Variants in ZBTB20 observed in about 807,000 individuals in gnomAD.
The protein encoded by ZBTB20 is zinc finger and BTB domain containing 20.
A neutral mutation model predicts 56.9 loss-of-function variants in ZBTB20; 9 were observed. The ratio of observed to expected loss-of-function variants is 0.16; its 90% CI spans 0.10 to 0.28. The LOEUF (loss-of-function observed/expected upper bound fraction) is 0.28. Ranked by LOEUF, ZBTB20 falls within the 10% of genes least tolerant of loss-of-function variation. ZBTB20 has a pLI of 1.00. For synonymous variants in ZBTB20, 417 were observed against 420.7 expected, an observed-to-expected ratio of 0.99 and a Z score of 0.11; for missense variants, 655 against 1,003.0, an observed-to-expected ratio of 0.65 and a Z score of 4.69.
At chr3:115,039,714 A>C (rs1576626708) in intron 2 of ZBTB20, among the ~76,000 whole-genome samples, 1 of 152,194 alleles carries the variant, frequency 6.6e-6, no homozygotes, top group East Asian at 1.9e-4. Context: ...TCATTTTCCC[A>C]ATTTAAGAAG....
At chr3:114,875,511 T>TA (rs1456967503) in intron 4 of ZBTB20, among the ~76,000 whole-genome samples, 40 of 152,252 alleles carry the variant, frequency 2.6e-4, no homozygotes, top group African/African-American at 9.1e-4. Context: ...TTACCCATGT[T>TA]AAAATGGAGA....
intron 2 of ZBTB20, among the ~76,000 whole-genome samples, chr3:115,055,351 G>T (rs763949098): frequency 4.0e-5 from 6 of 151,872 alleles, no homozygotes; most frequent in Non-Finnish European, 7.4e-5. Context: ...AATCCATTTT[G>T]GAAACAGATT....
At chr3:114,642,080 A>C (rs2059591103) in intron 6 of ZBTB20, among the ~76,000 whole-genome samples, 3 of 152,030 alleles carry the variant, frequency 2.0e-5, no homozygotes, top group Admixed American at 1.3e-4. Flanking sequence ...GGTTCTATCA[A>C]CTAATTCTTT....
At chr3:114,874,883 T>C (rs1303682373) in intron 4 of ZBTB20, among the ~76,000 whole-genome samples, 2 of 152,216 alleles carry the variant, frequency 1.3e-5, no homozygotes, top group Non-Finnish European at 2.9e-5. Flanking sequence ...ACAGTCTTTT[T>C]GGCTTCAAAT....
intron 7 of ZBTB20, among the ~76,000 whole-genome samples, chr3:114,470,615 A>T (rs973117559): frequency 7.9e-5 from 12 of 152,180 alleles, no homozygotes; most frequent in African/African-American, 2.7e-4. Flanking sequence ...GTTACTGATA[A>T]GGAAATTGAA....
intron 5 of ZBTB20, among the ~76,000 whole-genome samples, chr3:114,716,441 C>A (rs1484852656): frequency 6.6e-6 from 1 of 152,000 alleles, no homozygotes; most frequent in African/African-American, 2.4e-5. Context: ...CACACTGCAC[C>A]CAGATTGAAA....
intron 8 of ZBTB20, among the ~76,000 whole-genome samples, chr3:114,382,142 C>T (rs1379750820): frequency 1.3e-5 from 2 of 152,232 alleles, no homozygotes; most frequent in Non-Finnish European, 2.9e-5. Flanking sequence ...TATACACCTT[C>T]CTCTGCCTTA....
intron 6 of ZBTB20, among the ~76,000 whole-genome samples, chr3:114,623,523 A>G (rs2058461905): frequency 6.6e-6 from 1 of 152,172 alleles, no homozygotes; most frequent in African/African-American, 2.4e-5. Context: ...AGGGTGTGAC[A>G]AATCATATTT....
At chr3:114,365,653 G>A (rs578150471) in intron 10 of ZBTB20, among the ~76,000 whole-genome samples, 6 of 152,336 alleles carry the variant, frequency 3.9e-5, no homozygotes, top group East Asian at 1.9e-4. Flanking sequence ...TTACAGTAAC[G>A]GGAGGTGGGA....
intron 4 of ZBTB20, among the ~76,000 whole-genome samples, chr3:114,855,977 G>A (rs1439504885): frequency 1.3e-5 from 2 of 152,160 alleles, no homozygotes; most frequent in African/African-American, 2.4e-5. Context: ...ATTATTTTAG[G>A]GAGGCGTTAG....
At chr3:115,111,573 G>T (rs959583497) in intron 1 of ZBTB20, among the ~76,000 whole-genome samples, 1 of 151,980 alleles carries the variant, frequency 6.6e-6, no homozygotes, top group Non-Finnish European at 1.5e-5. Flanking sequence ...TTGCACTTTA[G>T]CAGTTTAATC....
chr3:114,461,270 G>C (rs976480716), intron 7 of ZBTB20, among the ~76,000 whole-genome samples: 1 of 151,204 alleles, frequency 6.6e-6, no homozygotes, highest in African/African-American at 2.4e-5. Context: ...AGGCAGCTTA[G>C]GCAAAAAACA....
intron 2 of ZBTB20, among the ~76,000 whole-genome samples, chr3:115,021,685 C>A (rs1277278986): frequency 6.6e-6 from 1 of 150,522 alleles, no homozygotes; most frequent in Non-Finnish European, 1.5e-5. Context: ...TCTTCTGCTA[C>A]CAAGAAATTC....
At chr3:114,463,643 A>C (rs1479898959) in intron 7 of ZBTB20, among the ~76,000 whole-genome samples, 1 of 152,228 alleles carries the variant, frequency 6.6e-6, no homozygotes, top group African/African-American at 2.4e-5. Context: ...ATTGCTTAAT[A>C]TAAAAAATCT....
intron 5 of ZBTB20, among the ~76,000 whole-genome samples, chr3:114,711,457 C>T (rs901596091): frequency 7.9e-5 from 12 of 152,242 alleles, no homozygotes; most frequent in African/African-American, 2.9e-4. Context: ...CTGGATTGTC[C>T]CAGAGGCCTC....
intron 1 of ZBTB20, among the ~76,000 whole-genome samples, chr3:115,088,217 A>T (rs2083058576): frequency 6.6e-6 from 1 of 151,898 alleles, no homozygotes; most frequent in Non-Finnish European, 1.5e-5. Flanking sequence ...TTTAATTTCT[A>T]CATCTGAAAA....
chr3:115,024,660 T>C (rs985858213), intron 2 of ZBTB20, among the ~76,000 whole-genome samples: 2 of 151,004 alleles, frequency 1.3e-5, no homozygotes, highest in Non-Finnish European at 3.0e-5. Flanking sequence ...AAAGAACTGG[T>C]TGCTAGTGAT....
intron 5 of ZBTB20, among the ~76,000 whole-genome samples, chr3:114,725,394 AC>A (rs1289137167): frequency 6.8e-6 from 1 of 147,682 alleles, no homozygotes; most frequent in African/African-American, 2.6e-5. Flanking sequence ...TTTTCTTCTT[AC>A]AAAATAATAA....
At chr3:114,897,880 T>C (rs918341081) in intron 4 of ZBTB20, among the ~76,000 whole-genome samples, 1 of 152,158 alleles carries the variant, frequency 6.6e-6, no homozygotes, top group Admixed American at 6.6e-5. Context: ...TGGCTTATTA[T>C]GTAAACTGTG....
Sources: allele counts gnomAD v4.1 joint callset (sites outside exome capture counted in the v4.1 genomes callset), GRCh38; gene constraint gnomAD v4.1.1; transcripts MANE v1.5; gene names NCBI Gene and HGNC (gene_info 2026-07-23, HGNC 2026-07-21).